The following ANKFY1 variants were observed in gnomAD, a reference collection of about 807,000 sequenced individuals.
ANKFY1 encodes the protein ankyrin repeat and FYVE domain-containing protein 1.
ANKFY1 carries 47 observed loss-of-function variants against 128.3 expected under a neutral mutation model. That is an observed-to-expected ratio of 0.37 (90% CI 0.29 to 0.47). The LOEUF is 0.47. Ranked by LOEUF, ANKFY1 falls within the 20% of genes least tolerant of loss-of-function variation. ANKFY1 has a pLI of 1.00. For missense variants in ANKFY1, 1,222 were observed against 1,510.6 expected, an observed-to-expected ratio of 0.81 and a Z score of 3.17; for synonymous variants, 553 against 601.6, an observed-to-expected ratio of 0.92 and a Z score of 1.18.
chr17:4,215,017 G>A (rs148320900), intron 4 of ANKFY1, among the ~76,000 whole-genome samples: 186 of 152,182 alleles, frequency 1.2e-3, no homozygotes, highest in African/African-American at 4.2e-3. Context: ...AGCCAGGCAC[G>A]GTAGGTCACG....
intron 16 of ANKFY1, chr17:4,180,904 C>A (rs998812186): frequency 9.9e-6 from 2 of 202,212 alleles, no homozygotes; most frequent in African/African-American, 4.6e-5. Context: ...TTACGACTCA[C>A]ACATCGTGGT....
At position 4,210,663 on chromosome 17, in the gene ANKFY1, G is replaced by A. The variant is rs112136807; in HGVS notation, c.459-716C>T. Among the ~76,000 whole-genome samples, 172 of 95,454 alleles carry A rather than the reference G, an allele frequency of 1.8e-3. 1 individual carries two copies. Among genetic ancestry groups the A allele is most frequent in the African/African-American group, 6.3e-3 (161 of 25,656 alleles). The allele number at this position is 95,454 out of a possible 152,430, so 62.6% of individuals were successfully genotyped here. A position where few individuals can be genotyped will look rare whatever the true frequency, so the allele number is the denominator to read the frequency against. ...GCGGAGGTTGCAGTGAGCTGAGATC[G>A]TGCCATTGCACTCCGGCCTGGGCGA... is the stretch of plus-strand genomic sequence containing the variant. On this transcript the variant is annotated intron_variant, in intron 4 of 24. Coordinates refer to ENST00000341657, the MANE Select transcript of ANKFY1 (RefSeq NM_001330063.2).
At chr17:4,223,791 G>A in intron 3 of ANKFY1, 13 of 1,513,724 alleles carry the variant, frequency 8.6e-6, no homozygotes, top group Non-Finnish European at 1.2e-5. Flanking sequence ...CTGGTACAGT[G>A]TCTCACAGTT....
chr17:4,233,664 C>T (rs1012373362), intron 3 of ANKFY1, among the ~76,000 whole-genome samples: 1 of 152,284 alleles, frequency 6.6e-6, no homozygotes, highest in Non-Finnish European at 1.5e-5. Flanking sequence ...TATTAGCCAC[C>T]TCTGAAACCT....
intron 7 of ANKFY1, among the ~76,000 whole-genome samples, chr17:4,201,576 C>G (rs1334762453): frequency 6.6e-6 from 1 of 150,540 alleles, no homozygotes; most frequent in Non-Finnish European, 1.5e-5. Flanking sequence ...CTGGTTAGGG[C>G]TATTGGGTTC....
intron 1 of ANKFY1, among the ~76,000 whole-genome samples, chr17:4,256,382 C>A (rs929669925): frequency 6.6e-6 from 1 of 152,088 alleles, no homozygotes; most frequent in African/African-American, 2.4e-5. Context: ...GAGCTGAGAT[C>A]GCACCACTGC....
chr17:4,203,326 G>A (rs1052919767), intron 7 of ANKFY1, among the ~76,000 whole-genome samples: 1 of 151,968 alleles, frequency 6.6e-6, no homozygotes, highest in African/African-American at 2.4e-5. Flanking sequence ...ATTACAATCC[G>A]TCCATATAAA....
At chr17:4,242,700 C>G (rs567614140) in intron 1 of ANKFY1, among the ~76,000 whole-genome samples, 2 of 152,278 alleles carry the variant, frequency 1.3e-5, no homozygotes, top group South Asian at 4.1e-4. Flanking sequence ...TTGAGACCAT[C>G]CTGGGCAACG....
intron 1 of ANKFY1, among the ~76,000 whole-genome samples, chr17:4,246,724 A>AATTTCC (rs1328246474): frequency 2.0e-5 from 3 of 152,202 alleles, no homozygotes; most frequent in Non-Finnish European, 4.4e-5. Context: ...CTGGCTGGGG[A>AATTTCC]ATTTCCATTT....
intron 2 of ANKFY1, among the ~76,000 whole-genome samples, chr17:4,237,297 T>G (rs1966953892): frequency 6.6e-6 from 1 of 152,190 alleles, no homozygotes; most frequent in African/African-American, 2.4e-5. Context: ...CAATGGATAT[T>G]AGATCACAAG....
Position 4,195,086 on chromosome 17 carries a change from G to T in ANKFY1, c.1264C>A (p.Pro422Thr), listed in dbSNP as rs745620490. The change falls in exon 10 of 25, where the codon CCC (proline) becomes ACC (threonine). Residue 422 changes from proline (P) to threonine (T), a missense_variant. By Grantham distance (38) the Pro-to-Thr change is conservative. Coordinates refer to ENST00000341657, the MANE Select transcript of ANKFY1 (RefSeq NM_001330063.2). Reference sequence around the variant, plus strand: ...TTTACCACGGGGACATCTTCGAAGGGGTTCACAGACTGGTCAGAAGACACT... The same window carrying T: ...TTTACCACGGGGACATCTTCGAAGGTGTTCACAGACTGGTCAGAAGACACT... ...ITVSSDQSVN[P>T]FEDVPVVNGT... is the part of the protein sequence containing the mutation. 31 of 1,614,124 alleles carry T rather than the reference G, an allele frequency of 1.9e-5. No homozygotes were observed. In the South Asian group the frequency reaches 3.1e-4, roughly 16 times the overall value.
At chr17:4,176,253 A>G (rs2059410104) in intron 19 of ANKFY1, among the ~76,000 whole-genome samples, 1 of 152,152 alleles carries the variant, frequency 6.6e-6, no homozygotes, top group East Asian at 1.9e-4. Context: ...AGGCTTTTCT[A>G]AAAAGCACTT....
In ANKFY1 at chr17:4,166,215, T is replaced by A. The variant is rs1390259054; in HGVS notation, c.*1564A>T. The A allele has an allele frequency of 1.3e-5, 2 of 152,216 alleles. No homozygotes were observed. Among genetic ancestry groups the A allele is most frequent in the Non-Finnish European group, 2.9e-5 (2 of 68,034 alleles). 9.4% of individuals were successfully genotyped at this position (152,216 alleles called of 1,614,324 possible). A position where few individuals can be genotyped will look rare whatever the true frequency, so the allele number is the denominator to read the frequency against. ...TTACACACATATTTAGGCAACAGAATGTATAAATCTACCGCAATACAGAGG... is the reference window on the plus strand; with the variant it reads ...TTACACACATATTTAGGCAACAGAAAGTATAAATCTACCGCAATACAGAGG... On this transcript the variant is annotated 3_prime_UTR_variant, in exon 25 of 25. Coordinates refer to ENST00000341657, the MANE Select transcript of ANKFY1 (RefSeq NM_001330063.2).
intron 3 of ANKFY1, among the ~76,000 whole-genome samples, chr17:4,221,821 T>TG (rs1209367283): frequency 6.6e-6 from 1 of 152,200 alleles, no homozygotes; most frequent in Admixed American, 6.5e-5. Context: ...TTCGCCATGT[T>TG]GGTCAGGCTG....
At position 4,206,471 on chromosome 17, in the gene ANKFY1, T is replaced by A; in HGVS notation, c.748A>T (p.Asn250Tyr). The change falls in exon 7 of 25, where the codon AAT becomes TAT. Residue 250 changes from asparagine (N) to tyrosine (Y), a missense_variant. Transcript: ENST00000341657. The stretch of plus-strand genomic sequence containing the variant: ...AGATCTCCGTTATGATCCGCTTCAT[T>A]CAGCTTCCCAGGGAGCTACACAAAC... ...EMDSQLPGKL[N>Y]EADHNGDLAL... 6.2e-7 allele frequency: 1 copy of A among 1,612,776 alleles called. No homozygotes were observed.
intron 1 of ANKFY1, among the ~76,000 whole-genome samples, chr17:4,253,262 T>C (rs1039954273): frequency 6.6e-5 from 10 of 152,196 alleles, no homozygotes; most frequent in East Asian, 5.8e-4. Context: ...AGGCAAACTA[T>C]AGCAAGAGAA....
chr17:4,181,565 C>T lies in ANKFY1; in HGVS notation c.2122-193G>A, dbSNP rs896984422. Among the ~76,000 whole-genome samples the T allele has an allele frequency of 6.6e-6, 1 of 152,196 alleles. No homozygotes were observed. The highest frequency in any genetic ancestry group is 2.4e-5 in the African/African-American group (1 of 41,448). ...AATTAAAATTTGCTGTGTGCAAGTT[C>T]GTGCACTAGGTCCTGTGGGACAGAC... is the stretch of plus-strand genomic sequence containing the variant. On this transcript the variant is annotated intron_variant, in intron 15 of 24. Transcript: ENST00000341657. This position sits in a 1 kb window ranked among gnomAD's most constrained non-coding sequence, Gnocchi z 4.9.
intron 1 of ANKFY1, among the ~76,000 whole-genome samples, chr17:4,246,381 C>T (rs1431986772): frequency 6.6e-6 from 1 of 152,158 alleles, no homozygotes; most frequent in African/African-American, 2.4e-5. Context: ...AGTACATAAA[C>T]ACAGTATATT....
At chr17:4,195,548 T>A (rs2059802823) in intron 8 of ANKFY1, 77 bp from the exon 9 acceptor site, 1 of 1,140,830 alleles carries the variant, frequency 8.8e-7, no homozygotes, top group East Asian at 2.4e-5. Flanking sequence ...GCAACCAGAA[T>A]CCCAGGCAGA....
Sources: allele counts gnomAD v4.1 joint callset (sites outside exome capture counted in the v4.1 genomes callset), GRCh38; gene constraint gnomAD v4.1.1; non-coding constraint Gnocchi (gnomAD v3.1); transcripts MANE v1.5; gene names NCBI Gene and HGNC (gene_info 2026-07-23, HGNC 2026-07-21).